ANKRD36: variants seen among roughly 807,000 people sequenced by gnomAD.
ANKRD36 encodes the protein ankyrin repeat domain 36.
Under a neutral mutation model 278.1 loss-of-function variants are expected in ANKRD36, and 179 were observed. The observed-to-expected ratio is 0.64, with a 90% CI of 0.57 to 0.73. The LOEUF is 0.73. Ranked by LOEUF, ANKRD36 falls within the 30% of genes least tolerant of loss-of-function variation. ANKRD36 has a pLI of 0.00. For synonymous variants in ANKRD36, 320 were observed against 641.1 expected, an observed-to-expected ratio of 0.50 and a Z score of 7.57; for missense variants, 1,159 against 1,956.7, an observed-to-expected ratio of 0.59 and a Z score of 7.69.
chr2:97,119,017 G>A lies in ANKRD36; in HGVS notation c.486+500G>A, dbSNP rs551325368. On this transcript the variant is annotated intron_variant, in intron 3 of 75. Transcript: ENST00000420699. ...GTGGAAAGGCTTAAGAGGGAAAAATGAAGAAAAGGAGAGCAATCAGAAATG... is the reference window on the plus strand; with the variant it reads ...GTGGAAAGGCTTAAGAGGGAAAAATAAAGAAAAGGAGAGCAATCAGAAATG... Among the ~76,000 whole-genome samples, 5 of 65,666 alleles carry A rather than the reference G, an allele frequency of 7.6e-5. 1 individual carries two copies. In the South Asian group the frequency reaches 1.6e-3, roughly 21 times the overall value. 43.1% of individuals were successfully genotyped at this position (65,666 alleles called of 152,430 possible). A position where few individuals can be genotyped will look rare whatever the true frequency, so the allele number is the denominator to read the frequency against.
At chr2:97,128,114 A>AGGAAACTGACTTCATGCTGTGTACTACAC (rs1300792153) in intron 6 of ANKRD36, among the ~76,000 whole-genome samples, 1 of 151,658 alleles carries the variant, frequency 6.6e-6, no homozygotes, top group African/African-American at 2.4e-5. Context: ...GTGTTCACTG[A>AGGAAACTGACTTCATGCTGTGTACTACAC]ATGGAGAAGT....
chr2:97,174,488 G>A (rs1215641099), intron 22 of ANKRD36, among the ~76,000 whole-genome samples: 24 of 151,734 alleles, frequency 1.6e-4, no homozygotes, highest in Non-Finnish European at 2.5e-4. Context: ...TGAGATAAAC[G>A]TGAATATGCA....
At chr2:97,125,530 G>A (rs1168265776) in intron 5 of ANKRD36, among the ~76,000 whole-genome samples, 1 of 150,610 alleles carries the variant, frequency 6.6e-6, no homozygotes, top group Non-Finnish European at 1.5e-5. Flanking sequence ...AACTGTCAGA[G>A]ATATTCAAAT....
At chr2:97,139,102 T>C (rs1031747433) in intron 6 of ANKRD36, among the ~76,000 whole-genome samples, 1 of 151,800 alleles carries the variant, frequency 6.6e-6, no homozygotes, top group Non-Finnish European at 1.5e-5. Flanking sequence ...ACTAAAGAAC[T>C]TGTGTGCAGT....
At chr2:97,185,565 C>G in intron 30 of ANKRD36, 55 bp downstream of exon 30, 1 of 1,571,088 alleles carries the variant, frequency 6.4e-7, no homozygotes, top group Non-Finnish European at 8.7e-7. Flanking sequence ...AAAAGAACTT[C>G]TCTTCCCTGA....
intron 18 of ANKRD36, among the ~76,000 whole-genome samples, chr2:97,162,936 T>G (rs1385759870): frequency 6.6e-6 from 1 of 152,220 alleles, no homozygotes; most frequent in Non-Finnish European, 1.5e-5. Flanking sequence ...GTACTAAAAG[T>G]GTAACTGTCA....
chr2:97,204,069 G>C lies in ANKRD36; in HGVS notation c.2961G>C (p.Val987=), dbSNP rs937140937. The C allele has an allele frequency of 6.4e-7, 1 of 1,571,090 alleles. No homozygotes were observed. Among genetic ancestry groups the C allele is most frequent in the Non-Finnish European group, 8.6e-7 (1 of 1,160,472 alleles). Residue 987 remains valine (V), a splice_region_variant and synonymous_variant, in exon 49 of 76, where the codon GTG becomes GTC. Coordinates refer to ENST00000420699, the MANE Select transcript of ANKRD36 (RefSeq NM_001354587.1). ...TTAGGAATCCCTTTTACTTTTCAGT[G>C]TCTTCTGAGAAACCACCAGGCTTGA... ...ENKDGEKSRT[V]SSEKPPGLKA...
intron 15 of ANKRD36, among the ~76,000 whole-genome samples, 152 bp downstream of exon 15, chr2:97,154,893 TAGG>T (rs2047072949): frequency 1.4e-5 from 2 of 144,820 alleles, no homozygotes; most frequent in Admixed American, 6.8e-5. Context: ...TTTAAAGAAA[TAGG>T]GGGGGTTAAT....
chr2:97,133,542 TTTATAA>T, intron 6 of ANKRD36, among the ~76,000 whole-genome samples: 2 of 152,126 alleles, frequency 1.3e-5, no homozygotes, highest in South Asian at 4.2e-4. Context: ...TAAATTTCTG[TTTATAA>T]TTATGAAATT....
intron 17 of ANKRD36, 145 bp downstream of exon 17, chr2:97,158,800 T>G: frequency 1.2e-6 from 1 of 805,304 alleles, no homozygotes; most frequent in Non-Finnish European, 1.9e-6. Context: ...CTTTATTCAC[T>G]TGCCATCTCC....
intron 11 of ANKRD36, among the ~76,000 whole-genome samples, chr2:97,147,257 T>A (rs2044511761): frequency 6.6e-6 from 1 of 151,950 alleles, no homozygotes; most frequent in South Asian, 2.1e-4. Context: ...CTGAAGCTTT[T>A]TCTTATTTTG....
At chr2:97,206,307 A>G (rs1025686487) in intron 52 of ANKRD36, among the ~76,000 whole-genome samples, 172 bp downstream of exon 52, 1 of 151,448 alleles carries the variant, frequency 6.6e-6, no homozygotes, top group African/African-American at 2.4e-5. Flanking sequence ...GGTCTGGAAC[A>G]TGATCTTCGC....
chr2:97,224,318 A>C (rs1195212873), intron 66 of ANKRD36, among the ~76,000 whole-genome samples: 1 of 151,512 alleles, frequency 6.6e-6, no homozygotes, highest in Admixed American at 6.6e-5. Flanking sequence ...TGCCTCCCCA[A>C]GTGGTTTGCT....
At position 97,141,424 on chromosome 2, in the gene ANKRD36, G is replaced by A. The variant is rs566341254; in HGVS notation, c.800-1216G>A. On this transcript the variant is annotated intron_variant, in intron 6 of 75. Transcript: ENST00000420699. Reference sequence around the variant, plus strand: ...GAACTGCTGAATCCGGGAAATGTAGGAATATTAGGAGCCTTCATGAGTACA... The same window carrying A: ...GAACTGCTGAATCCGGGAAATGTAGAAATATTAGGAGCCTTCATGAGTACA... Among the ~76,000 whole-genome samples, 398 of 137,556 alleles carry A rather than the reference G, an allele frequency of 2.9e-3. 1 individual carries two copies. The highest frequency in any genetic ancestry group is 0.01 in the African/African-American group (382 of 37,112). The allele number at this position is 137,556 out of a possible 152,430, so 90.2% of individuals were successfully genotyped here. A position where few individuals can be genotyped will look rare whatever the true frequency, so the allele number is the denominator to read the frequency against.
chr2:97,159,110 A>C (rs1192395647), intron 17 of ANKRD36, among the ~76,000 whole-genome samples: 1 of 152,024 alleles, frequency 6.6e-6, no homozygotes, highest in African/African-American at 2.4e-5. Context: ...AATTTAAATG[A>C]CAGTAGAATG....
chr2:97,123,032 G>A (rs2037331361), intron 4 of ANKRD36, 39 bp downstream of exon 4: 3 of 1,467,658 alleles, frequency 2.0e-6, no homozygotes, highest in Non-Finnish European at 2.7e-6. Flanking sequence ...TTTTAAACCT[G>A]AGTGTCATTT....
rs2064550425 is a variant in ANKRD36, at chr2:97,211,416, A to G, written c.3368-130A>G. ...CTGTCATGTTCTGGTCCCCAGACAC[A>G]AAGTAGAAGCCGTCAAGGCCTACAC... On this transcript the variant is annotated intron_variant, in intron 56 of 75. Transcript: ENST00000420699. 3 of 1,411,496 alleles carry G rather than the reference A, an allele frequency of 2.1e-6. No homozygotes were observed. The Admixed American group carries it at 6.3e-5, about 29-fold the overall frequency. The allele number at this position is 1,411,496 out of a possible 1,614,324, so 87.4% of individuals were successfully genotyped here.
intron 11 of ANKRD36, 148 bp downstream of exon 11, chr2:97,146,664 A>C: frequency 3.1e-6 from 2 of 639,680 alleles, no homozygotes; most frequent in Non-Finnish European, 4.5e-6. Context: ...ACACAGCTTT[A>C]CAAATTATTT....
At chr2:97,174,476 A>G (rs1338168216) in intron 22 of ANKRD36, among the ~76,000 whole-genome samples, 6 of 151,848 alleles carry the variant, frequency 4.0e-5, no homozygotes, top group Non-Finnish European at 5.9e-5. Flanking sequence ...TGGTTATTCA[A>G]ATGAGATAAA....
Sources: gnomAD v4.1 joint callset for allele counts (sites outside exome capture counted in the v4.1 genomes callset) on GRCh38, gnomAD v4.1.1 for gene constraint, MANE v1.5 for transcripts, NCBI Gene and HGNC (gene_info 2026-07-23, HGNC 2026-07-21) for gene names.